Variants in ZFAND1 observed in about 807,000 individuals in gnomAD.
The protein encoded by ZFAND1 is AN1-type zinc finger protein 1.
ZFAND1 carries 40 observed loss-of-function variants against 38.5 expected under a neutral mutation model. The ratio of observed to expected loss-of-function variants is 1.04; its 90% CI spans 0.81 to 1.35. The LOEUF (loss-of-function observed/expected upper bound fraction) is 1.35. ZFAND1 is among the 40% of genes most tolerant of loss of function. The pLI is 0.00. For synonymous variants in ZFAND1, 117 were observed against 103.6 expected (o/e 1.13, Z -0.78); for missense variants, 346 against 316.3 (o/e 1.09, Z -0.71).
chr8:81,719,462 G>A (rs1373017137), intron 1 of ZFAND1, among the ~76,000 whole-genome samples: 1 of 151,932 alleles, frequency 6.6e-6, no homozygotes, highest in Non-Finnish European at 1.5e-5. Context: ...GGCCGAGATC[G>A]CGCCACTGCA....
intron 6 of ZFAND1, among the ~76,000 whole-genome samples, chr8:81,710,477 A>C (rs1183600237): frequency 6.6e-6 from 1 of 152,208 alleles, no homozygotes; most frequent in Non-Finnish European, 1.5e-5. Flanking sequence ...TCAAAGAAAA[A>C]GGGTGATGAG....
intron 6 of ZFAND1, among the ~76,000 whole-genome samples, chr8:81,711,370 C>T (rs888653269): frequency 9.9e-5 from 15 of 152,202 alleles, no homozygotes; most frequent in Middle Eastern, 3.4e-3. Context: ...TGAGATCGCA[C>T]GACTGCACTC....
rs529589319 is a variant in ZFAND1 at position 81,720,970 on chromosome 8, A to T, written c.55+257T>A. On this transcript the variant is annotated intron_variant, in intron 1 of 7. Coordinates refer to ENST00000220669, the MANE Select transcript of ZFAND1 (RefSeq NM_024699.3). ...CTGCAGCCCCAGAAGAAACGCTCCC[A>T]CCCCGCTCCTCAGGCCCTGCCTCAG... The T allele has an allele frequency of 1.5e-4, 78 of 526,130 alleles. No homozygotes were observed. The South Asian group carries it at 1.8e-3, about 12-fold the overall frequency. The allele number at this position is 526,130 out of a possible 1,614,324, so 32.6% of individuals were successfully genotyped here.
chr8:81,708,264 A>C (rs1479342253), intron 6 of ZFAND1, among the ~76,000 whole-genome samples: 2 of 151,480 alleles, frequency 1.3e-5, no homozygotes, highest in African/African-American at 2.4e-5. Context: ...AAAAAAAAAA[A>C]AAAAGGCTAA....
chr8:81,721,092 G>T, intron 1 of ZFAND1, 135 bp downstream of exon 1: 1 of 822,652 alleles, frequency 1.2e-6, no homozygotes, highest in Non-Finnish European at 1.9e-6. Flanking sequence ...AGCCCCAGAA[G>T]AAACGCTCCC....
intron 6 of ZFAND1, among the ~76,000 whole-genome samples, chr8:81,711,663 AT>A (rs1431853114): frequency 6.6e-6 from 1 of 152,206 alleles, no homozygotes; most frequent in Non-Finnish European, 1.5e-5. Flanking sequence ...AATGAAAAAT[AT>A]TAAGGAAGAA....
intron 6 of ZFAND1, among the ~76,000 whole-genome samples, chr8:81,711,025 T>G (rs888393403): frequency 1.3e-5 from 2 of 152,230 alleles, no homozygotes; most frequent in Non-Finnish European, 2.9e-5. Context: ...ATGGAAAAGT[T>G]ATTTGTACTA....
intron 6 of ZFAND1, among the ~76,000 whole-genome samples, chr8:81,710,788 A>G (rs745320541): frequency 6.6e-5 from 10 of 152,226 alleles, no homozygotes; most frequent in Non-Finnish European, 1.5e-4. Context: ...CAATGAAGAA[A>G]TTCTATGTAC....
Position 81,713,983 on chromosome 8 carries a change from T to C in ZFAND1, c.415A>G (p.Thr139Ala). 6.2e-7 allele frequency: 1 copy of C among 1,612,656 alleles called. No individual in the cohort carries two copies. Among genetic ancestry groups the C allele is most frequent in the Non-Finnish European group, 8.5e-7 (1 of 1,179,694 alleles). The change falls in exon 6 of 8, where the codon ACA becomes GCA. Residue 139 changes from threonine to alanine, a missense_variant. Transcript: ENST00000220669. ...TTCATCAATGCAACCTTTGCAGCTG[T>C]TTCACTATTTTTGGCACCTTTCCAT... ...KRWKGAKNSETAAKVALMKLK... is the reference protein window; with the variant it reads ...KRWKGAKNSEAAAKVALMKLK...
chr8:81,705,966 G>A (rs1292619671), intron 6 of ZFAND1, among the ~76,000 whole-genome samples: 2 of 152,106 alleles, frequency 1.3e-5, no homozygotes, highest in Non-Finnish European at 2.9e-5. Context: ...GTCGACAAGA[G>A]ATTCAGAAAA....
At position 81,721,238 on chromosome 8, in the gene ZFAND1, C is replaced by A. The variant is rs1469728038; in HGVS notation, c.44G>T (p.Cys15Phe). The A allele has an allele frequency of 8.4e-6, 13 of 1,548,772 alleles. No homozygotes were observed. The South Asian group carries it at 1.4e-4, about 17-fold the overall frequency. The stretch of plus-strand genomic sequence containing the variant: ...AGCTCCCGGATCACCTCGCTGCCGG[C>A]AATGCTCCACCTGGCAGTGCTGCCC... ...DIGQHCQVEHCRQRDFLPFVC... is the reference protein window; with the variant it reads ...DIGQHCQVEHFRQRDFLPFVC... The change falls in exon 1 of 8, where the codon TGC becomes TTC. Residue 15 changes from cysteine to phenylalanine, a missense_variant. Physicochemically the swap from Cys to Phe is radical, Grantham distance 205 (BLOSUM62 -2). Transcript: ENST00000220669.
Position 81,705,607 on chromosome 8 carries a change from G to A in ZFAND1, c.481-2483C>T, listed in dbSNP as rs542765293. 1.1e-4 allele frequency among the ~76,000 whole-genome samples: 17 copies of A among 152,174 alleles called. No homozygotes were observed. The East Asian group carries it at 2.5e-3, about 22-fold the overall frequency. The stretch of plus-strand genomic sequence containing the variant: ...ATATAAGGAAGTCATCCACAATACC[G>A]CATAAAGAGACATAAGATAGAAACA... On this transcript the variant is annotated intron_variant, in intron 6 of 7. Transcript: ENST00000220669.
chr8:81,718,138 A>G (rs752854995), intron 2 of ZFAND1, 44 bp downstream of exon 2: 1 of 1,450,872 alleles, frequency 6.9e-7, no homozygotes, highest in South Asian at 1.3e-5. Flanking sequence ...CATATTAATA[A>G]ACACTAAAAT....
intron 6 of ZFAND1, among the ~76,000 whole-genome samples, chr8:81,713,314 G>A (rs1375663078): frequency 2.6e-5 from 4 of 151,872 alleles, no homozygotes; most frequent in African/African-American, 9.7e-5. Flanking sequence ...TAGTAGAGAT[G>A]GGGTTTCACC....
intron 6 of ZFAND1, among the ~76,000 whole-genome samples, chr8:81,707,055 C>T (rs1808004845): frequency 1.3e-5 from 2 of 152,260 alleles, no homozygotes; most frequent in South Asian, 4.1e-4. Flanking sequence ...TAATGTATGG[C>T]ATATAAAGCA....
At chr8:81,712,696 T>C (rs1211927671) in intron 6 of ZFAND1, among the ~76,000 whole-genome samples, 2 of 152,198 alleles carry the variant, frequency 1.3e-5, no homozygotes, top group African/African-American at 2.4e-5. Flanking sequence ...AGGTTACTTC[T>C]ATAATTACAC....
In ZFAND1 at chr8:81,718,165, AT is replaced by A; in HGVS notation, c.98+16del. ...CACTAAAATTACTCCCAAATCCTGC[AT>A]AAAAACTTAACTTACCAAAATATTC... is the stretch of plus-strand genomic sequence containing the variant. On this transcript the variant is annotated intron_variant, in intron 2 of 7. Transcript: ENST00000220669. 1 of 1,571,532 alleles carries A rather than the reference AT, an allele frequency of 6.4e-7. No homozygotes were observed. The highest frequency in any genetic ancestry group is 8.6e-7 in the Non-Finnish European group (1 of 1,157,036).
At chr8:81,711,223 C>T (rs1030468982) in intron 6 of ZFAND1, among the ~76,000 whole-genome samples, 2 of 152,026 alleles carry the variant, frequency 1.3e-5, no homozygotes, top group African/African-American at 4.8e-5. Context: ...ACCAGCCTGA[C>T]CAACGTGGTG....
intron 6 of ZFAND1, among the ~76,000 whole-genome samples, chr8:81,705,284 C>T (rs1199931360): frequency 6.6e-6 from 1 of 152,054 alleles, no homozygotes; most frequent in Admixed American, 6.6e-5. Context: ...TCAAGATGAA[C>T]ATTTTAAATG....
Sources: gnomAD v4.1 joint callset for allele counts (sites outside exome capture counted in the v4.1 genomes callset) on GRCh38, gnomAD v4.1.1 for gene constraint, MANE v1.5 for transcripts, NCBI Gene and HGNC (gene_info 2026-07-23, HGNC 2026-07-21) for gene names.